Variants in GRIK2 observed in about 807,000 individuals in gnomAD.
The protein encoded by GRIK2 is glutamate receptor ionotropic, kainate 2.
In GRIK2, 32 loss-of-function variants were observed where a neutral mutation model predicts 100.3. The observed-to-expected ratio is 0.32, with a 90% CI of 0.24 to 0.43. The LOEUF (loss-of-function observed/expected upper bound fraction) is 0.43, where lower values mean the gene tolerates loss of function less well. Ranked by LOEUF, GRIK2 falls within the 20% of genes least tolerant of loss-of-function variation. The probability of loss-of-function intolerance (pLI) is 1.00; values close to 1 mark genes in which losing one functional copy is unlikely to be tolerated. For synonymous variants in GRIK2, 417 were observed against 389.4 expected, an observed-to-expected ratio of 1.07 and a Z score of -0.83; for missense variants, 843 against 1,114.9, an observed-to-expected ratio of 0.76 and a Z score of 3.47.
In GRIK2 at chr6:101,770,330, TG is replaced by T. The variant is rs141524459; in HGVS notation, c.952-29316del. Among the ~76,000 whole-genome samples, 1,344 of 152,278 alleles carry T rather than the reference TG, an allele frequency of 8.8e-3. 19 individuals carry two copies. Among genetic ancestry groups the T allele is most frequent in the African/African-American group, 0.03 (1,267 of 41,564 alleles). On this transcript the variant is annotated intron_variant, in intron 7 of 16. Coordinates refer to ENST00000369134, the MANE Select transcript of GRIK2 (RefSeq NM_021956.5). ...CATACGTCACCACCCTGTCTTACCT[TG>T]GCTGCAGCTGTTGCTAGTCATCAGA...
intron 14 of GRIK2, among the ~76,000 whole-genome samples, chr6:101,973,045 C>T (rs1582645867): frequency 6.6e-6 from 1 of 151,648 alleles, no homozygotes; most frequent in Non-Finnish European, 1.5e-5. Context: ...AAATCTAATA[C>T]ACTTTTCTAT....
chr6:101,758,553 G>C (rs919969495), intron 7 of GRIK2, among the ~76,000 whole-genome samples: 1 of 152,110 alleles, frequency 6.6e-6, no homozygotes, highest in Non-Finnish European at 1.5e-5. Flanking sequence ...GTTTAATTGT[G>C]CCCCAGGGTA....
At chr6:101,887,292 G>T (rs1480368699) in intron 11 of GRIK2, among the ~76,000 whole-genome samples, 1 of 152,002 alleles carries the variant, frequency 6.6e-6, no homozygotes, top group Non-Finnish European at 1.5e-5. Flanking sequence ...ATCCTGTTGT[G>T]TACGATAAAT....
At chr6:102,017,809 G>A (rs774430712) in intron 14 of GRIK2, among the ~76,000 whole-genome samples, 31 of 151,978 alleles carry the variant, frequency 2.0e-4, no homozygotes, top group African/African-American at 4.8e-4. Flanking sequence ...GGTGTGTCCC[G>A]TCTACTACTA....
chr6:101,690,979 A>C (rs1004349939), intron 7 of GRIK2, among the ~76,000 whole-genome samples: 1 of 152,104 alleles, frequency 6.6e-6, no homozygotes, highest in Non-Finnish European at 1.5e-5. Context: ...GTTTCTTTTT[A>C]CATCACTTTT....
At chr6:101,789,657 T>C (rs1183314105) in intron 7 of GRIK2, among the ~76,000 whole-genome samples, 1 of 152,198 alleles carries the variant, frequency 6.6e-6, no homozygotes, top group Non-Finnish European at 1.5e-5. Context: ...CCAGCTTTGT[T>C]CTTTTGGCTT....
intron 2 of GRIK2, among the ~76,000 whole-genome samples, chr6:101,405,425 G>A (rs959500556): frequency 1.3e-5 from 2 of 151,842 alleles, no homozygotes; most frequent in African/African-American, 2.4e-5. Context: ...TGAAGGGTAA[G>A]TGTTGATGAT....
intron 2 of GRIK2, among the ~76,000 whole-genome samples, chr6:101,480,452 T>G (rs2128260783): frequency 6.6e-6 from 1 of 151,992 alleles, no homozygotes; most frequent in East Asian, 1.9e-4. Flanking sequence ...TTTGTCAGGA[T>G]TAAAAAAAAA....
intron 14 of GRIK2, among the ~76,000 whole-genome samples, chr6:101,937,216 C>T (rs763577977): frequency 2.0e-4 from 31 of 152,088 alleles, no homozygotes; most frequent in Non-Finnish European, 2.5e-4. Flanking sequence ...TGAGGCCCTG[C>T]CACTCCAGCA....
intron 7 of GRIK2, among the ~76,000 whole-genome samples, chr6:101,697,831 A>T (rs1772606076): frequency 6.6e-6 from 1 of 152,076 alleles, no homozygotes; most frequent in Non-Finnish European, 1.5e-5. Flanking sequence ...CCTACATCAC[A>T]GTGTCACTCT....
intron 6 of GRIK2, among the ~76,000 whole-genome samples, chr6:101,684,698 C>CA (rs1202192573): frequency 2.1e-5 from 3 of 145,274 alleles, no homozygotes; most frequent in Admixed American, 6.9e-5. Context: ...AATGAAGACT[C>CA]AAAGAAATGG....
intron 2 of GRIK2, among the ~76,000 whole-genome samples, chr6:101,511,282 G>T (rs764899151): frequency 1.3e-5 from 2 of 152,080 alleles, no homozygotes; most frequent in Non-Finnish European, 2.9e-5. Context: ...TACATGACTC[G>T]GCTTCTTGAC....
At position 101,955,617 on chromosome 6, in the gene GRIK2, C is replaced by CTCTCTCTCTCT. The variant is rs1376723314; in HGVS notation, c.2085+26985_2085+26986insTCTCTCTCTCT. The stretch of plus-strand genomic sequence containing the variant: ...CTCTCTCTCTCTCTCTCTCTCTCTC[C>CTCTCTCTCTCT]CCCCCATTTCTTTTACAGTCAGATT... On this transcript the variant is annotated intron_variant, in intron 14 of 16. Transcript: ENST00000369134. Among the ~76,000 whole-genome samples, 79 of 116,422 alleles carry CTCTCTCTCTCT rather than the reference C, an allele frequency of 6.8e-4. 8 individuals carry two copies. The highest frequency in any genetic ancestry group is 9.5e-4 in the Admixed American group (10 of 10,570). The allele number at this position is 116,422 out of a possible 152,430, so 76.4% of individuals were successfully genotyped here. A position where few individuals can be genotyped will look rare whatever the true frequency, so the allele number is the denominator to read the frequency against.
intron 5 of GRIK2, among the ~76,000 whole-genome samples, chr6:101,681,218 A>C (rs1771219212): frequency 6.6e-6 from 1 of 152,090 alleles, no homozygotes; most frequent in African/African-American, 2.4e-5. Context: ...TAATTACATC[A>C]GGGTAAATGG....
intron 2 of GRIK2, among the ~76,000 whole-genome samples, chr6:101,597,549 C>A (rs773192588): frequency 6.6e-6 from 1 of 151,780 alleles, no homozygotes; most frequent in Admixed American, 6.6e-5. Flanking sequence ...ATGTAAACCT[C>A]ATGAGCACAG....
intron 2 of GRIK2, among the ~76,000 whole-genome samples, chr6:101,548,776 T>C (rs891709180): frequency 1.3e-5 from 2 of 152,204 alleles, no homozygotes; most frequent in Non-Finnish European, 1.5e-5. Flanking sequence ...CAAAGCACTT[T>C]ACATTTATTG....
At chr6:101,800,201 G>A (rs1299068856) in intron 8 of GRIK2, among the ~76,000 whole-genome samples, 1 of 151,846 alleles carries the variant, frequency 6.6e-6, no homozygotes, top group Admixed American at 6.6e-5. Flanking sequence ...AATATGTCTA[G>A]TTATTTAAAT....
At chr6:101,586,234 CAG>C (rs1778355288) in intron 2 of GRIK2, among the ~76,000 whole-genome samples, 1 of 151,598 alleles carries the variant, frequency 6.6e-6, no homozygotes. Context: ...TTCCATGGAA[CAG>C]AGACTAAAAA....
intron 13 of GRIK2, among the ~76,000 whole-genome samples, chr6:101,925,556 C>A (rs1271831917): frequency 2.0e-5 from 3 of 149,706 alleles, no homozygotes; most frequent in Non-Finnish European, 4.4e-5. Flanking sequence ...AGGTCTAAGA[C>A]TAGTTTTGCC....
Sources: allele counts gnomAD v4.1 joint callset (sites outside exome capture counted in the v4.1 genomes callset), GRCh38; gene constraint gnomAD v4.1.1; transcripts MANE v1.5; gene names NCBI Gene and HGNC (gene_info 2026-07-23, HGNC 2026-07-21).